Variants in CSMD1 observed in about 807,000 individuals in gnomAD.
CSMD1 encodes CUB and sushi domain-containing protein 1.
CSMD1 carries 213 observed loss-of-function variants against 417.5 expected under a neutral mutation model. The ratio of observed to expected loss-of-function variants is 0.51; its 90% CI spans 0.46 to 0.57. CSMD1 has a LOEUF of 0.57. CSMD1 is among the 20% of genes least tolerant of loss of function. CSMD1 has a pLI of 0.00. For synonymous variants in CSMD1, 2,862 were observed against 1,736.8 expected, an observed-to-expected ratio of 1.65 and a Z score of -16.11; for missense variants, 6,923 against 4,529.7, an observed-to-expected ratio of 1.53 and a Z score of -15.17.
intron 10 of CSMD1, among the ~76,000 whole-genome samples, chr8:3,574,354 C>T (rs2116936734): frequency 6.6e-6 from 1 of 152,308 alleles, no homozygotes; most frequent in East Asian, 1.9e-4. Context: ...GATTCCTGGG[C>T]CTCAGCCTCT....
chr8:4,470,721 G>C (rs1800480767), intron 2 of CSMD1, among the ~76,000 whole-genome samples: 1 of 152,142 alleles, frequency 6.6e-6, no homozygotes, highest in Non-Finnish European at 1.5e-5. Flanking sequence ...AAGAAGAAAG[G>C]TAAAATGAAC....
chr8:4,150,124 T>C (rs1796491334), intron 3 of CSMD1, among the ~76,000 whole-genome samples: 2 of 152,218 alleles, frequency 1.3e-5, no homozygotes, highest in Admixed American at 6.5e-5. Context: ...CCACATTGTG[T>C]ATTTTAAGGA....
At chr8:3,136,009 C>T (rs1432547898) in intron 41 of CSMD1, among the ~76,000 whole-genome samples, 1 of 152,162 alleles carries the variant, frequency 6.6e-6, no homozygotes, top group African/African-American at 2.4e-5. Flanking sequence ...TGTCACCTTG[C>T]ACTTCTTTCC....
chr8:4,399,407 G>A (rs146825897), intron 3 of CSMD1, among the ~76,000 whole-genome samples: 2 of 152,206 alleles, frequency 1.3e-5, no homozygotes, highest in South Asian at 4.1e-4. Context: ...AAGGGCTAAA[G>A]AGGTTAACGT....
chr8:3,197,462 ATTTTTTTT>A (rs10549384), intron 33 of CSMD1, among the ~76,000 whole-genome samples: 1 of 114,930 alleles, frequency 8.7e-6, no homozygotes, highest in Non-Finnish European at 1.9e-5. Flanking sequence ...AGCTCAAATA[ATTTTTTTT>A]TTTTTTTTTT....
chr8:3,871,545 A>G (rs770270693), intron 5 of CSMD1, among the ~76,000 whole-genome samples: 1 of 152,078 alleles, frequency 6.6e-6, no homozygotes, highest in Non-Finnish European at 1.5e-5. Context: ...AATTTTTCTT[A>G]GTCTATTAGG....
chr8:4,723,005 G>T (rs1164554754), intron 1 of CSMD1, among the ~76,000 whole-genome samples: 1 of 152,110 alleles, frequency 6.6e-6, no homozygotes, highest in Non-Finnish European at 1.5e-5. Context: ...GGCATTACAA[G>T]AGTCTCACTG....
Position 3,576,453 on chromosome 8 carries a change from C to T in CSMD1, c.1223-1387G>A, listed in dbSNP as rs200194809. Among the ~76,000 whole-genome samples, 52 of 152,196 alleles carry T rather than the reference C, an allele frequency of 3.4e-4. No homozygotes were observed. In the East Asian group the frequency reaches 7.9e-3, roughly 23 times the overall value. On this transcript the variant is annotated intron_variant, in intron 9 of 69. Transcript: ENST00000635120. Reference sequence around the variant, plus strand: ...TGTCCCTCCTCAGCACTGTGTACCACGCTGCAGTCCTAGACATGTGAAAAT... The same window carrying T: ...TGTCCCTCCTCAGCACTGTGTACCATGCTGCAGTCCTAGACATGTGAAAAT...
rs1303529434 is a variant in CSMD1, at chr8:3,981,520, AAAAAAGAAC to A, written c.818+16374_818+16382del. Among the ~76,000 whole-genome samples the A allele has an allele frequency of 5.9e-3, 744 of 126,398 alleles. 2 individuals are homozygous for A. The highest frequency in any genetic ancestry group is 0.019 in the African/African-American group (671 of 34,656). 82.9% of individuals were successfully genotyped at this position (126,398 alleles called of 152,430 possible). On this transcript the variant is annotated intron_variant, in intron 5 of 69. Coordinates refer to ENST00000635120, the MANE Select transcript of CSMD1 (RefSeq NM_033225.6). ...AAAAGTAAAAAAAAAAAAAAAAAAA[AAAAAAGAAC>A]ATACAATTGTGTTTACCTAAGTCTT...
chr8:4,751,394 G>A (rs1035112837), intron 1 of CSMD1, among the ~76,000 whole-genome samples: 3 of 151,884 alleles, frequency 2.0e-5, no homozygotes, highest in Non-Finnish European at 4.4e-5. Flanking sequence ...CTGTCTCAGG[G>A]GGGGTGGCGG....
At chr8:3,827,145 C>T (rs1229752189) in intron 5 of CSMD1, among the ~76,000 whole-genome samples, 3 of 152,154 alleles carry the variant, frequency 2.0e-5, no homozygotes, top group Non-Finnish European at 4.4e-5. Context: ...CATGTGCTCA[C>T]ACAGTTTAGA....
intron 4 of CSMD1, among the ~76,000 whole-genome samples, chr8:4,024,792 T>A (rs960494190): frequency 1.3e-5 from 2 of 152,174 alleles, no homozygotes; most frequent in African/African-American, 2.4e-5. Flanking sequence ...TTATGACAGC[T>A]TGTGACTGGG....
At chr8:4,001,903 A>T (rs569723158) in intron 4 of CSMD1, among the ~76,000 whole-genome samples, 1 of 152,194 alleles carries the variant, frequency 6.6e-6, no homozygotes, top group African/African-American at 2.4e-5. Flanking sequence ...GAGGAAAAAA[A>T]AAATTCCCAA....
At chr8:4,275,400 G>A (rs905791048) in intron 3 of CSMD1, among the ~76,000 whole-genome samples, 1 of 152,058 alleles carries the variant, frequency 6.6e-6, no homozygotes, top group African/African-American at 2.4e-5. Context: ...TAAAGGAAAG[G>A]ACAAAGGAGA....
intron 6 of CSMD1, among the ~76,000 whole-genome samples, chr8:3,717,225 G>A (rs78480368): frequency 0.023 from 3,513 of 151,988 alleles, 126 homozygotes; most frequent in African/African-American, 0.08. Flanking sequence ...ATTAGTAAAC[G>A]TACCTTTCCA....
chr8:3,205,637 C>G lies in CSMD1; in HGVS notation c.4868-17G>C. 1 of 1,307,286 alleles carries G rather than the reference C, an allele frequency of 7.6e-7. No homozygotes were observed. Among genetic ancestry groups the G allele is most frequent in the Non-Finnish European group, 1.1e-6 (1 of 926,548 alleles). 81.0% of individuals were successfully genotyped at this position (1,307,286 alleles called of 1,614,324 possible). On this transcript the variant is annotated splice_polypyrimidine_tract_variant and intron_variant, in intron 30 of 69. Coordinates refer to ENST00000635120, the MANE Select transcript of CSMD1 (RefSeq NM_033225.6). ...CACAGGGAGCTGAAAATAAAATCAA[C>G]CGAGAATTAGTCGCTGTGCAATAAT...
chr8:4,368,657 C>G (rs1329099853), intron 3 of CSMD1, among the ~76,000 whole-genome samples: 1 of 152,018 alleles, frequency 6.6e-6, no homozygotes, highest in Non-Finnish European at 1.5e-5. Flanking sequence ...ACTTATTGGT[C>G]TGTTCAGGAT....
rs73661564 is a variant in CSMD1 at position 4,579,208 on chromosome 8, G to A, written c.302+58134C>T. 5.1e-3 allele frequency among the ~76,000 whole-genome samples: 779 copies of A among 151,668 alleles called. 3 individuals are homozygous for A. Among genetic ancestry groups the A allele is most frequent in the African/African-American group, 0.018 (745 of 41,344 alleles). ...AAAAGTCAGGTGTGGTTGCTCTGAC[G>A]GAATCAGGAAAATAATCCTCATGCC... is the stretch of plus-strand genomic sequence containing the variant. On this transcript the variant is annotated intron_variant, in intron 2 of 69. Transcript: ENST00000635120.
At chr8:4,513,005 A>G (rs1019107747) in intron 2 of CSMD1, among the ~76,000 whole-genome samples, 9 of 152,172 alleles carry the variant, frequency 5.9e-5, no homozygotes, top group Non-Finnish European at 1.2e-4. Context: ...TGAGGGAGAG[A>G]AGGATTAATA....
Sources: allele counts gnomAD v4.1 joint callset (sites outside exome capture counted in the v4.1 genomes callset), GRCh38; gene constraint gnomAD v4.1.1; transcripts MANE v1.5; gene names NCBI Gene and HGNC (gene_info 2026-07-23, HGNC 2026-07-21).